Variants in RANBP10 observed in about 807,000 individuals in gnomAD.
RANBP10 encodes the protein RAN binding protein 10, also known as ran-binding protein 10.
Under a neutral mutation model 72.8 loss-of-function variants are expected in RANBP10, and 24 were observed. That is an observed-to-expected ratio of 0.33 (90% CI 0.24 to 0.46). The LOEUF is 0.46. RANBP10 is among the 20% of genes least tolerant of loss of function. RANBP10 has a pLI of 1.00. For missense variants in RANBP10, 679 were observed against 817.5 expected, an observed-to-expected ratio of 0.83 and a Z score of 2.07; for synonymous variants, 310 against 322.3, an observed-to-expected ratio of 0.96 and a Z score of 0.41.
chr16:67,801,536 T>C (rs972686604), intron 2 of RANBP10, among the ~76,000 whole-genome samples: 3 of 152,158 alleles, frequency 2.0e-5, no homozygotes, highest in Non-Finnish European at 4.4e-5. Flanking sequence ...GGAAGGTAGA[T>C]GATCACCTGC....
rs1160321181 is a variant in RANBP10, at chr16:67,727,397, G to A, written c.1662C>T (p.Cys554=). Residue 554 remains cysteine (C), a synonymous_variant, in exon 13 of 14, where the codon TGC becomes TGT. Coordinates refer to ENST00000317506, the MANE Select transcript of RANBP10 (RefSeq NM_020850.3). ...TGGGGTCAAGCTGCTGGCCAACTGG[G>A]CAGCTCCAGGGGTCTGAGTATGCCA... ...SLLAYSDPWS[C]PVGQQLDPIQ... 3.1e-6 allele frequency: 5 copies of A among 1,613,892 alleles called. No individual in the cohort carries two copies. The East Asian group carries it at 6.7e-5, about 22-fold the overall frequency.
chr16:67,768,102 A>AC (rs746189406), intron 3 of RANBP10, among the ~76,000 whole-genome samples: 88 of 151,954 alleles, frequency 5.8e-4, no homozygotes, highest in Non-Finnish European at 9.7e-4. Context: ...AGAAAAAAGA[A>AC]CATACGGCTA....
At chr16:67,785,195 G>T (rs2054892450) in intron 2 of RANBP10, among the ~76,000 whole-genome samples, 2 of 151,826 alleles carry the variant, frequency 1.3e-5, no homozygotes, top group South Asian at 4.2e-4. Context: ...CTGGGTGACA[G>T]ATCGAGAGTC....
intron 2 of RANBP10, among the ~76,000 whole-genome samples, chr16:67,780,933 C>T (rs2054798423): frequency 4.6e-5 from 7 of 152,252 alleles, no homozygotes; most frequent in Admixed American, 4.6e-4. Flanking sequence ...CACGCACACA[C>T]ATCTCAGAAC....
At chr16:67,803,308 A>G (rs1009329167) in intron 2 of RANBP10, among the ~76,000 whole-genome samples, 3 of 152,088 alleles carry the variant, frequency 2.0e-5, no homozygotes, top group African/African-American at 7.2e-5. Flanking sequence ...TGGGAGGATC[A>G]CTAGAGACCA....
At chr16:67,772,010 A>T in intron 3 of RANBP10, 24 bp downstream of exon 3, 2 of 1,605,912 alleles carry the variant, frequency 1.2e-6, no homozygotes, top group Non-Finnish European at 1.7e-6. Context: ...AGCAGAACAA[A>T]TGTTCTCTTA....
rs902435495 is a variant in RANBP10, at chr16:67,729,394, G to A, written c.1238C>T (p.Ser413Leu). The change falls in exon 10 of 14, where the codon TCG becomes TTG. Residue 413 changes from serine to leucine, a missense_variant. Coordinates refer to ENST00000317506, the MANE Select transcript of RANBP10 (RefSeq NM_020850.3). The surrounding 1 kb of genome is among the most constrained non-coding windows in gnomAD (Gnocchi z 7.1). ...AGAGGACGAGGAGGAGGAGGAGGAC[G>A]AGGATGAGGAGCTGGGTGCAGGGTA... ...SKYPAPSSSS[S>L]SSSSSSSSSP... 8 of 1,613,688 alleles carry A rather than the reference G, an allele frequency of 5.0e-6. No individual in the cohort carries two copies. Among genetic ancestry groups the A allele is most frequent in the South Asian group, 3.3e-5 (3 of 91,026 alleles).
chr16:67,764,245 A>G (rs916128148), intron 3 of RANBP10, among the ~76,000 whole-genome samples: 1 of 152,184 alleles, frequency 6.6e-6, no homozygotes, highest in African/African-American at 2.4e-5. Context: ...CTTCGTCCCA[A>G]GCCTCTCTTC....
intron 2 of RANBP10, among the ~76,000 whole-genome samples, chr16:67,775,520 G>C (rs9940597): frequency 6.6e-6 from 1 of 151,218 alleles, no homozygotes; most frequent in Admixed American, 6.6e-5. Flanking sequence ...GTTCCCATAC[G>C]TAGAAAACCT....
chr16:67,771,987 A>G lies in RANBP10; in HGVS notation c.400+47T>C, dbSNP rs751811739. 2.7e-5 allele frequency: 42 copies of G among 1,583,808 alleles called. No homozygotes were observed. In the South Asian group the frequency reaches 4.0e-4, roughly 15 times the overall value. On this transcript the variant is annotated intron_variant, in intron 3 of 13. Coordinates refer to ENST00000317506, the MANE Select transcript of RANBP10 (RefSeq NM_020850.3). ...GCTACCACCATGACTCTCAACCCCA[A>G]TTGGATCAGGAGAGCAGAACAAATG...
At chr16:67,756,646 T>C (rs563348064) in intron 3 of RANBP10, among the ~76,000 whole-genome samples, 359 of 151,950 alleles carry the variant, frequency 2.4e-3, no homozygotes, top group African/African-American at 8.3e-3. Flanking sequence ...GAGGTTGCAG[T>C]AAGCCAAAAT....
chr16:67,726,595 C>A (rs2053605968), intron 13 of RANBP10, 37 bp from the exon 14 acceptor site: 6 of 1,531,438 alleles, frequency 3.9e-6, no homozygotes, highest in Non-Finnish European at 3.5e-6. Context: ...ACTGGCCTGC[C>A]CAGGGCTTGG....
At chr16:67,745,884 C>T (rs1368116315) in intron 3 of RANBP10, among the ~76,000 whole-genome samples, 2 of 151,910 alleles carry the variant, frequency 1.3e-5, no homozygotes, top group African/African-American at 2.4e-5. Flanking sequence ...TGTCCAGGTG[C>T]GGTGGCTCAC....
chr16:67,757,022 T>C (rs548446174), intron 3 of RANBP10, among the ~76,000 whole-genome samples: 3 of 152,076 alleles, frequency 2.0e-5, no homozygotes, highest in East Asian at 3.9e-4. Context: ...CTGACCAACA[T>C]AGAGAAACCC....
In RANBP10 at chr16:67,774,661, C is replaced by G. The variant is rs190354764; in HGVS notation, c.348-2575G>C. ...ATTCCACCTCTAGGTGTCAATGACA[C>G]AGGGAGCAGCCCCACAGGAGCCCAG... On this transcript the variant is annotated intron_variant, in intron 2 of 13. Coordinates refer to ENST00000317506, the MANE Select transcript of RANBP10 (RefSeq NM_020850.3). 3.7e-4 allele frequency among the ~76,000 whole-genome samples: 57 copies of G among 152,300 alleles called. 2 individuals are homozygous for G. Among genetic ancestry groups the G allele is most frequent in the Non-Finnish European group, 8.4e-4 (57 of 68,028 alleles).
chr16:67,800,183 GGAAT>G (rs887364738), intron 2 of RANBP10, among the ~76,000 whole-genome samples: 23 of 152,038 alleles, frequency 1.5e-4, no homozygotes, highest in Non-Finnish European at 2.8e-4. Flanking sequence ...CCTGGTGTCT[GGAAT>G]GAATGAATGA....
At chr16:67,750,671 C>A (rs1394750788) in intron 3 of RANBP10, among the ~76,000 whole-genome samples, 1 of 151,898 alleles carries the variant, frequency 6.6e-6, no homozygotes, top group Non-Finnish European at 1.5e-5. Flanking sequence ...CTTTCTCACA[C>A]AAGGATGATC....
Position 67,806,151 on chromosome 16 carries a change from T to C in RANBP10, c.235+151A>G. ...AACAGGCAGTCAGCCCTCGGCCTGT[T>C]CAGCCTCACCACCCTGGACATCCTG... On this transcript the variant is annotated intron_variant, in intron 1 of 13. Transcript: ENST00000317506. 4 of 752,694 alleles carry C rather than the reference T, an allele frequency of 5.3e-6. No individual in the cohort carries two copies. In the East Asian group the frequency reaches 1.1e-4, roughly 21 times the overall value. 46.6% of individuals were successfully genotyped at this position (752,694 alleles called of 1,614,324 possible).
At chr16:67,771,947 C>CT in intron 3 of RANBP10, 87 bp downstream of exon 3, 1 of 1,481,168 alleles carries the variant, frequency 6.8e-7, no homozygotes, top group Non-Finnish European at 9.2e-7. Context: ...AAACAAAGTC[C>CT]TCCCCAGCCT....
Sources: gnomAD v4.1 joint callset for allele counts (sites outside exome capture counted in the v4.1 genomes callset) on GRCh38, gnomAD v4.1.1 for gene constraint, Gnocchi (gnomAD v3.1) non-coding constraint, MANE v1.5 for transcripts, NCBI Gene and HGNC (gene_info 2026-07-23, HGNC 2026-07-21) for gene names.